KCNQ1: variants seen among roughly 807,000 people sequenced by gnomAD.
The protein encoded by KCNQ1 is potassium voltage-gated channel subfamily Q member 1.
Under a neutral mutation model 72.4 loss-of-function variants are expected in KCNQ1, and 49 were observed. That is an observed-to-expected ratio of 0.68 (90% CI 0.54 to 0.86). KCNQ1 has a LOEUF of 0.86. Among genes scored for constraint, KCNQ1 ranks in the 40% least tolerant of loss-of-function variants. The probability of loss-of-function intolerance (pLI) is 0.00; values close to 1 mark genes in which losing one functional copy is unlikely to be tolerated. For synonymous variants in KCNQ1, 450 were observed against 412.6 expected, an observed-to-expected ratio of 1.09 and a Z score of -1.10; for missense variants, 790 against 945.1, an observed-to-expected ratio of 0.84 and a Z score of 2.15.
chr11:2,447,845 G>C lies in KCNQ1; in HGVS notation c.386+2361G>C, dbSNP rs370765743. Among the ~76,000 whole-genome samples the C allele has an allele frequency of 5.6e-4, 86 of 152,318 alleles. 2 individuals are homozygous for C. The South Asian group carries it at 0.017, about 30-fold the overall frequency. ...GAGCCGGTGTTCCGCTGACCCTACA[G>C]GGCTAGGGCGAACTCTCCTGTGTGC... On this transcript the variant is annotated intron_variant, in intron 1 of 15. Transcript: ENST00000155840. This position sits in a 1 kb window ranked among gnomAD's most constrained non-coding sequence, Gnocchi z 7.6.
In KCNQ1 at chr11:2,564,962, C is replaced by T. The variant is rs1489851378; in HGVS notation, c.478-5666C>T. ...ATCCTATTCCGTGGTAGGGAGGGAC[C>T]ACATCTTCCGTCTCCGTCGGTGCAC... is the stretch of plus-strand genomic sequence containing the variant. On this transcript the variant is annotated intron_variant, in intron 2 of 15. Transcript: ENST00000155840. This position sits in a 1 kb window ranked among gnomAD's most constrained non-coding sequence, Gnocchi z 4.5. Among the ~76,000 whole-genome samples the T allele has an allele frequency of 6.6e-6, 1 of 152,164 alleles. No individual in the cohort carries two copies. The highest frequency in any genetic ancestry group is 1.5e-5 in the Non-Finnish European group (1 of 68,026).
In KCNQ1 at chr11:2,655,582, G is replaced by A. The variant is rs193000936; in HGVS notation, c.1394-6379G>A. The A allele has an allele frequency of 2.4e-3, 955 of 398,662 alleles. 3 individuals carry two copies. Among genetic ancestry groups the A allele is most frequent in the African/African-American group, 0.01 (509 of 48,744 alleles). 24.7% of individuals were successfully genotyped at this position (398,662 alleles called of 1,614,324 possible). On this transcript the variant is annotated intron_variant, in intron 10 of 15. Coordinates refer to ENST00000155840, the MANE Select transcript of KCNQ1 (RefSeq NM_000218.3). Reference sequence around the variant, plus strand: ...TGTGAAATACCCACTTCAGAGGTGGGGGTGACAAGCAAGACCTGTTAGGGC... The same window carrying A: ...TGTGAAATACCCACTTCAGAGGTGGAGGTGACAAGCAAGACCTGTTAGGGC...
intron 11 of KCNQ1, among the ~76,000 whole-genome samples, chr11:2,742,883 C>T (rs1043005691): frequency 1.3e-5 from 2 of 152,200 alleles, no homozygotes; most frequent in African/African-American, 2.4e-5. Flanking sequence ...GTGCTCCGAG[C>T]CCCCACACCT....
At chr11:2,467,166 G>T (rs932410200) in intron 1 of KCNQ1, among the ~76,000 whole-genome samples, 1 of 152,084 alleles carries the variant, frequency 6.6e-6, no homozygotes, top group African/African-American at 2.4e-5. Context: ...TCCCTGGGGT[G>T]AGGGCCAGGG....
chr11:2,623,581 A>G lies in KCNQ1; in HGVS notation c.1393+34727A>G, dbSNP rs1420110392. 1 of 398,346 alleles carries G rather than the reference A, an allele frequency of 2.5e-6. No homozygotes were observed. Among genetic ancestry groups the G allele is most frequent in the Non-Finnish European group, 4.4e-6 (1 of 226,010 alleles). 24.7% of individuals were successfully genotyped at this position (398,346 alleles called of 1,614,324 possible). A position where few individuals can be genotyped will look rare whatever the true frequency, so the allele number is the denominator to read the frequency against. On this transcript the variant is annotated intron_variant, in intron 10 of 15. Coordinates refer to ENST00000155840, the MANE Select transcript of KCNQ1 (RefSeq NM_000218.3). The surrounding 1 kb of genome is among the most constrained non-coding windows in gnomAD (Gnocchi z 5.2). Reference sequence around the variant, plus strand: ...TAATATGTTTTTTAATTACCTCCATATCTTTTCATGGCTTGATAGCTCATT... The same window carrying G: ...TAATATGTTTTTTAATTACCTCCATGTCTTTTCATGGCTTGATAGCTCATT...
intron 11 of KCNQ1, chr11:2,662,396 CAA>C (rs927653065): frequency 2.0e-6 from 1 of 505,448 alleles, no homozygotes; most frequent in Non-Finnish European, 3.5e-6. Context: ...CCCTGCCCCC[CAA>C]AAAAGAGACG....
At chr11:2,631,075 C>G (rs895956074) in intron 10 of KCNQ1, 17 of 398,392 alleles carry the variant, frequency 4.3e-5, no homozygotes. Context: ...TAGATGGAAA[C>G]TAATTGTAAT....
intron 15 of KCNQ1, among the ~76,000 whole-genome samples, chr11:2,800,005 G>C (rs376645749): frequency 1.3e-5 from 2 of 152,326 alleles, no homozygotes; most frequent in East Asian, 3.9e-4. Flanking sequence ...GGGTGGGGTA[G>C]AAGCATGGTG....
rs372906106 is a variant in KCNQ1, at chr11:2,570,621, C to T, written c.478-7C>T. 1.2e-6 allele frequency: 2 copies of T among 1,612,122 alleles called. No homozygotes were observed. The highest frequency in any genetic ancestry group is 1.7e-6 in the Non-Finnish European group (2 of 1,179,972). ...CCTGCAGTGAGCGTCCCACTCTGTCCCTGCAGGAGATCGTGCTGGTGGTGT... is the reference window on the plus strand; with the variant it reads ...CCTGCAGTGAGCGTCCCACTCTGTCTCTGCAGGAGATCGTGCTGGTGGTGT... On this transcript the variant is annotated splice_polypyrimidine_tract_variant and splice_region_variant and intron_variant, in intron 2 of 15. Transcript: ENST00000155840.
At chr11:2,518,928 CG>C (rs1847331410) in intron 1 of KCNQ1, among the ~76,000 whole-genome samples, 2 of 152,264 alleles carry the variant, frequency 1.3e-5, no homozygotes, top group African/African-American at 4.8e-5. Flanking sequence ...CGGAGCTGGA[CG>C]GGGAGGACCA....
chr11:2,536,692 G>GGTTGGAGAGTAGTGGCATA lies in KCNQ1; in HGVS notation c.477+8674_477+8675insGTTGGAGAGTAGTGGCATA, dbSNP rs1847736849. ...ACACAGGGCGTGGCTCTCCCTCCCA[G>GGTTGGAGAGTAGTGGCATA]CCTGCCAGAGGGACCGCTGGGCCTA... On this transcript the variant is annotated intron_variant, in intron 2 of 15. Transcript: ENST00000155840. This position sits in a 1 kb window ranked among gnomAD's most constrained non-coding sequence, Gnocchi z 7.4. Among the ~76,000 whole-genome samples, 1 of 152,174 alleles carries GGTTGGAGAGTAGTGGCATA rather than the reference G, an allele frequency of 6.6e-6. No homozygotes were observed. Among genetic ancestry groups the GGTTGGAGAGTAGTGGCATA allele is most frequent in the African/African-American group, 2.4e-5 (1 of 41,422 alleles).
chr11:2,831,214 G>A (rs190714954), intron 15 of KCNQ1, among the ~76,000 whole-genome samples: 65 of 152,320 alleles, frequency 4.3e-4, no homozygotes, highest in African/African-American at 1.4e-3. Context: ...GATGGCCATC[G>A]GGTGCAGGGC....
chr11:2,719,500 CA>C lies in KCNQ1; in HGVS notation c.1515-49333del, dbSNP rs3216307. ...ACTCAAAAACAAACAAACAAACAAA[CA>C]AAAAAAAAAACCATTATCACCCCCT... On this transcript the variant is annotated intron_variant, in intron 11 of 15. Coordinates refer to ENST00000155840, the MANE Select transcript of KCNQ1 (RefSeq NM_000218.3). Among the ~76,000 whole-genome samples, 1,262 of 144,288 alleles carry C rather than the reference CA, an allele frequency of 8.7e-3. 43 individuals are homozygous for C. The East Asian group carries it at 0.12, about 14-fold the overall frequency. 94.7% of individuals were successfully genotyped at this position (144,288 alleles called of 152,430 possible). A position where few individuals can be genotyped will look rare whatever the true frequency, so the allele number is the denominator to read the frequency against.
chr11:2,844,105 C>T (rs569556095), intron 15 of KCNQ1, among the ~76,000 whole-genome samples: 232 of 152,284 alleles, frequency 1.5e-3, no homozygotes, highest in Admixed American at 3.0e-3. Context: ...GCTCCTCCAT[C>T]GCCAAAAAAA....
At chr11:2,686,714 T>C (rs1850495742) in intron 11 of KCNQ1, 1 of 398,548 alleles carries the variant, frequency 2.5e-6, no homozygotes, top group African/African-American at 2.1e-5. Context: ...TGGGAAGTCC[T>C]ACTCGGCCCC....
At chr11:2,641,628 C>G (rs1224163887) in intron 10 of KCNQ1, 3 of 398,302 alleles carry the variant, frequency 7.5e-6, no homozygotes, top group African/African-American at 6.2e-5. Flanking sequence ...TGTGTACAAG[C>G]TTTATCATTT....
At chr11:2,662,492 T>C in intron 11 of KCNQ1, 1 of 457,608 alleles carries the variant, frequency 2.2e-6, no homozygotes. Context: ...TTGCTGCTGC[T>C]GTCCTCAGGG....
chr11:2,831,772 C>T (rs375979790), intron 15 of KCNQ1, among the ~76,000 whole-genome samples: 1 of 151,246 alleles, frequency 6.6e-6, no homozygotes, highest in Non-Finnish European at 1.5e-5. Context: ...CTCCCTCCCC[C>T]ACCAGAGCCC....
intron 11 of KCNQ1, among the ~76,000 whole-genome samples, chr11:2,757,821 C>A (rs1164225464): frequency 6.6e-6 from 1 of 152,196 alleles, no homozygotes. Context: ...ACTCCTCTTT[C>A]AACACACGGT....
Sources: gnomAD v4.1 joint callset for allele counts (sites outside exome capture counted in the v4.1 genomes callset) on GRCh38, gnomAD v4.1.1 for gene constraint, Gnocchi (gnomAD v3.1) non-coding constraint, MANE v1.5 for transcripts, NCBI Gene and HGNC (gene_info 2026-07-23, HGNC 2026-07-21) for gene names.